Variants in CYYR1 observed in about 807,000 individuals in gnomAD.
CYYR1 encodes cysteine and tyrosine-rich protein 1.
In CYYR1, 14 loss-of-function variants were observed where a neutral mutation model predicts 15.2. That is an observed-to-expected ratio of 0.92 (90% confidence interval 0.61 to 1.44). CYYR1 has a LOEUF of 1.44. Among genes scored for constraint, CYYR1 ranks in the 40% most tolerant of loss-of-function variants. The probability of loss-of-function intolerance (pLI) is 0.00; values close to 1 mark genes in which losing one functional copy is unlikely to be tolerated. For synonymous variants in CYYR1, 80 were observed against 77.4 expected (o/e 1.03, Z -0.18); for missense variants, 228 against 209.5 (o/e 1.09, Z -0.54).
chr21:26,537,119 G>A (rs1011464812), intron 2 of CYYR1, among the ~76,000 whole-genome samples: 4 of 152,102 alleles, frequency 2.6e-5, no homozygotes, highest in East Asian at 1.9e-4. Context: ...ATGAGCCTAC[G>A]TTAATTAACT....
intron 2 of CYYR1, among the ~76,000 whole-genome samples, chr21:26,527,478 A>T (rs1304632806): frequency 6.6e-6 from 1 of 152,242 alleles, no homozygotes; most frequent in Non-Finnish European, 1.5e-5. Flanking sequence ...AACAAAAAAA[A>T]TGCAGAATAG....
At chr21:26,487,806 T>C (rs1036832080) in intron 2 of CYYR1, among the ~76,000 whole-genome samples, 2 of 151,940 alleles carry the variant, frequency 1.3e-5, no homozygotes, top group African/African-American at 4.8e-5. Context: ...AAAACCATAA[T>C]ATCGAATAGT....
intron 2 of CYYR1, among the ~76,000 whole-genome samples, chr21:26,482,003 C>A (rs1469306414): frequency 6.6e-6 from 1 of 152,022 alleles, no homozygotes; most frequent in Admixed American, 6.6e-5. Flanking sequence ...ACAAAAGCAA[C>A]CACTTCAACC....
At chr21:26,543,119 A>G (rs1978690390) in intron 2 of CYYR1, among the ~76,000 whole-genome samples, 1 of 152,192 alleles carries the variant, frequency 6.6e-6, no homozygotes, top group Middle Eastern at 3.2e-3. Context: ...CTCACTTAGA[A>G]GTAGGAGCTG....
chr21:26,482,218 T>G (rs1397265485), intron 2 of CYYR1: 1 of 843,924 alleles, frequency 1.2e-6, no homozygotes, highest in African/African-American at 1.8e-5. Context: ...AGCCAAGCAA[T>G]GTACCATAGT....
intron 2 of CYYR1, among the ~76,000 whole-genome samples, chr21:26,482,768 G>T (rs1002414823): frequency 6.6e-6 from 1 of 152,010 alleles, no homozygotes; most frequent in Admixed American, 6.6e-5. Context: ...CTGCTGTAAA[G>T]AATTCCCATG....
intron 2 of CYYR1, among the ~76,000 whole-genome samples, chr21:26,481,405 A>G (rs1416253593): frequency 6.6e-6 from 1 of 152,126 alleles, no homozygotes; most frequent in Non-Finnish European, 1.5e-5. Context: ...TATTGATTAA[A>G]AAGGGTCAAG....
chr21:26,469,471 T>C (rs2065007857), intron 3 of CYYR1, among the ~76,000 whole-genome samples: 1 of 152,232 alleles, frequency 6.6e-6, no homozygotes, highest in Non-Finnish European at 1.5e-5. Flanking sequence ...TTAAGAAAGT[T>C]TTTAAATTTT....
chr21:26,572,937 C>A lies in CYYR1; in HGVS notation c.4G>T (p.Asp2Tyr), dbSNP rs146452127. MDAPRLPVRPGV... is the reference protein window; with the variant it reads MYAPRLPVRPGV... ...GGACGCACGGGTAGCCTCGGAGCGT[C>A]CATCCAAGCCGGTGGCCTGAGGCTT... Residue 2 changes from aspartate (D) to tyrosine (Y), a missense_variant, in exon 1 of 4, where the codon GAC (aspartate) becomes TAC (tyrosine). Transcript: ENST00000652641. 15 of 1,613,650 alleles carry A rather than the reference C, an allele frequency of 9.3e-6. No homozygotes were observed. Among genetic ancestry groups the A allele is most frequent in the Non-Finnish European group, 1.3e-5 (15 of 1,179,962 alleles).
chr21:26,550,204 C>G (rs1055820669), intron 2 of CYYR1: 1 of 152,058 alleles, frequency 6.6e-6, no homozygotes, highest in African/African-American at 2.4e-5. Context: ...ATTGTAATTA[C>G]TTTCGGCCAC....
intron 2 of CYYR1, among the ~76,000 whole-genome samples, chr21:26,524,883 A>G (rs1220983890): frequency 6.6e-6 from 1 of 152,204 alleles, no homozygotes; most frequent in Non-Finnish European, 1.5e-5. Context: ...TGACTGAGAA[A>G]TGTCAATGTC....
chr21:26,473,405 T>C (rs891914440), intron 3 of CYYR1, among the ~76,000 whole-genome samples: 8 of 152,162 alleles, frequency 5.3e-5, no homozygotes, highest in Admixed American at 1.3e-4. Flanking sequence ...TGCAAAGATA[T>C]AGTATAACCT....
At position 26,530,983 on chromosome 21, in the gene CYYR1, C is replaced by T. The variant is rs978308608; in HGVS notation, c.176+35283G>A. 2.6e-5 allele frequency among the ~76,000 whole-genome samples: 4 copies of T among 152,258 alleles called. 1 individual carries two copies. Among genetic ancestry groups the T allele is most frequent in the Middle Eastern group, 6.8e-3 (2 of 294 alleles). ...TAGTGGCCCAGAAAGACACTGACTA[C>T]AGCCAATCAGACAGCTCCTACAGGA... is the stretch of plus-strand genomic sequence containing the variant. On this transcript the variant is annotated intron_variant, in intron 2 of 3. Coordinates refer to ENST00000652641, the MANE Select transcript of CYYR1 (RefSeq NM_001320768.2).
chr21:26,511,001 A>C lies in CYYR1; in HGVS notation c.177-30572T>G, dbSNP rs1259478320. Among the ~76,000 whole-genome samples the C allele has an allele frequency of 1.3e-5, 2 of 152,250 alleles. 1 individual carries two copies. The highest frequency in any genetic ancestry group is 4.1e-4 in the South Asian group (2 of 4,832). On this transcript the variant is annotated intron_variant, in intron 2 of 3. Transcript: ENST00000652641. ...CTTTTACAACATTAGGGTAGAAGGA[A>C]TCCAAATTATCTGTTTCAATTCCTT...
chr21:26,483,224 G>A (rs988442549), intron 2 of CYYR1, among the ~76,000 whole-genome samples: 2 of 151,864 alleles, frequency 1.3e-5, no homozygotes, highest in Non-Finnish European at 2.9e-5. Flanking sequence ...TGTTTCCAGT[G>A]TCTGTGTTTC....
At chr21:26,540,902 T>C (rs1601809712) in intron 2 of CYYR1, among the ~76,000 whole-genome samples, 1 of 152,246 alleles carries the variant, frequency 6.6e-6, no homozygotes, top group Non-Finnish European at 1.5e-5. Context: ...AATATGTTTG[T>C]GATGAATGGA....
intron 3 of CYYR1, among the ~76,000 whole-genome samples, chr21:26,477,418 C>G (rs1358217102): frequency 6.6e-6 from 1 of 152,062 alleles, no homozygotes; most frequent in East Asian, 1.9e-4. Context: ...TATGTTTCTT[C>G]CATTATTCAG....
chr21:26,486,917 T>C (rs1160032615), intron 2 of CYYR1, among the ~76,000 whole-genome samples: 5 of 152,016 alleles, frequency 3.3e-5, no homozygotes, highest in Non-Finnish European at 7.4e-5. Flanking sequence ...CAGAGTAATA[T>C]TTATCTTCTT....
intron 2 of CYYR1, among the ~76,000 whole-genome samples, chr21:26,545,460 G>A (rs1978894199): frequency 6.6e-6 from 1 of 150,438 alleles, no homozygotes; most frequent in African/African-American, 2.4e-5. Flanking sequence ...ATAATAATAA[G>A]CAACCTGAAA....
Sources: gnomAD v4.1 joint callset for allele counts (sites outside exome capture counted in the v4.1 genomes callset) on GRCh38, gnomAD v4.1.1 for gene constraint, MANE v1.5 for transcripts, NCBI Gene and HGNC (gene_info 2026-07-23, HGNC 2026-07-21) for gene names.